The following TROAP variants were observed in gnomAD, a reference collection of about 807,000 sequenced individuals.
TROAP encodes the protein tastin.
In TROAP, 62 loss-of-function variants were observed where a neutral mutation model predicts 83.4. The ratio of observed to expected loss-of-function variants is 0.74; its 90% CI spans 0.61 to 0.92. The LOEUF is 0.92. TROAP is among the 40% of genes least tolerant of loss of function. The probability of loss-of-function intolerance (pLI) is 0.00; values close to 1 mark genes in which losing one functional copy is unlikely to be tolerated. For missense variants in TROAP, 876 were observed against 985.1 expected (o/e 0.89, Z 1.48); for synonymous variants, 352 against 386.4 (o/e 0.91, Z 1.04).
Position 49,323,710 on chromosome 12 carries a change from T to G in TROAP, c.102T>G (p.Thr34=). The G allele has an allele frequency of 1.9e-6, 3 of 1,614,072 alleles. No homozygotes were observed. Among genetic ancestry groups the G allele is most frequent in the Non-Finnish European group, 2.5e-6 (3 of 1,180,008 alleles). Residue 34 remains threonine (T), a synonymous_variant, in exon 2 of 15, where the codon ACT becomes ACG. Transcript: ENST00000257909. ...VRSQKRTPFP[T]VTSCAVDQEN... The stretch of plus-strand genomic sequence containing the variant: ...CTCAGAAACGCACGCCTTTCCCCAC[T>G]GTTACATCGTGCGCCGTGGACCAGG...
chr12:49,330,051 G>A, intron 12 of TROAP, 60 bp downstream of exon 12: 2 of 1,608,302 alleles, frequency 1.2e-6, no homozygotes, highest in East Asian at 2.2e-5. Context: ...CTGAGGAAGA[G>A]GGAAAAGAGA....
rs1345046397 is a variant in TROAP, at chr12:49,324,038, G to T, written c.337+1G>T. The T allele has an allele frequency of 1.2e-6, 2 of 1,612,720 alleles. No individual in the cohort carries two copies. Among genetic ancestry groups the T allele is most frequent in the East Asian group, 4.5e-5 (2 of 44,860 alleles). Reference sequence around the variant, plus strand: ...GGGCCTGGGCCCCCTGCCCAGACAGGTACCTGTTGGAGCCATGGTAACACG... The same window carrying T: ...GGGCCTGGGCCCCCTGCCCAGACAGTTACCTGTTGGAGCCATGGTAACACG... On this transcript the variant is annotated splice_donor_variant, in intron 3 of 14. Coordinates refer to ENST00000257909, the MANE Select transcript of TROAP (RefSeq NM_005480.4). LOFTEE classifies it high-confidence loss of function.
In TROAP at chr12:49,325,815, C is replaced by G; in HGVS notation, c.564C>G (p.Ser188=). The G allele has an allele frequency of 1.2e-6, 2 of 1,614,132 alleles. No homozygotes were observed. The highest frequency in any genetic ancestry group is 1.7e-6 in the Non-Finnish European group (2 of 1,180,010). Reference sequence around the variant, plus strand: ...ACCGACTGGACCCTGCCAGGGCTTCCTGCTTCTCTAGGCTGGAGGGACCAG... The same window carrying G: ...ACCGACTGGACCCTGCCAGGGCTTCGTGCTTCTCTAGGCTGGAGGGACCAG... ...PTHRLDPARA[S]CFSRLEGPGP... The change falls in exon 5 of 15, where the codon TCC becomes TCG. Residue 188 remains serine, a synonymous_variant. Coordinates refer to ENST00000257909, the MANE Select transcript of TROAP (RefSeq NM_005480.4).
intron 13 of TROAP, 90 bp from the exon 14 acceptor site, chr12:49,331,124 G>C: frequency 6.3e-7 from 1 of 1,576,908 alleles, no homozygotes; most frequent in Non-Finnish European, 8.6e-7. Flanking sequence ...CTCCTAATTG[G>C]CTTGGCCGTT....
chr12:49,330,766 C>A lies in TROAP; in HGVS notation c.1921C>A (p.Leu641Met). 1 of 1,614,074 alleles carries A rather than the reference C, an allele frequency of 6.2e-7. No homozygotes were observed. Among genetic ancestry groups the A allele is most frequent in the South Asian group, 1.1e-5 (1 of 91,082 alleles). The part of the protein sequence containing the change: ...GPPGPCPRVE[L>M]GASEPCTLEH... ...CCCAGGGCCCTGCCCTAGGGTAGAG[C>A]TGGGGGCATCAGAGCCCTGCACCCT... The change falls in exon 13 of 15, where the codon CTG becomes ATG. Residue 641 changes from leucine (L) to methionine (M), a missense_variant. Coordinates refer to ENST00000257909, the MANE Select transcript of TROAP (RefSeq NM_005480.4).
chr12:49,326,645 G>A (rs989214172), intron 6 of TROAP, 23 bp from the exon 7 acceptor site: 5 of 1,551,962 alleles, frequency 3.2e-6, no homozygotes, highest in African/African-American at 1.4e-5. Context: ...GTGACTGCTG[G>A]CTAATGTCCT....
chr12:49,324,091 A>G (rs572505893), intron 3 of TROAP, 54 bp downstream of exon 3: 8 of 1,613,160 alleles, frequency 5.0e-6, no homozygotes, highest in Admixed American at 1.7e-5. Context: ...GGGGACTAGG[A>G]AGGGTAAAAG....
chr12:49,325,422 G>T, intron 3 of TROAP, 79 bp from the exon 4 acceptor site: 2 of 1,367,168 alleles, frequency 1.5e-6, no homozygotes, highest in Non-Finnish European at 2.0e-6. Context: ...TGCTCACCTT[G>T]TACCTCAAAG....
Position 49,329,416 on chromosome 12 carries a change from T to G in TROAP, c.1126T>G (p.Ser376Ala). The change falls in exon 11 of 15, where the codon TCC (serine) becomes GCC (alanine). Residue 376 changes from serine (S) to alanine (A), a missense_variant. Physicochemically the swap from Ser to Ala is moderately conservative, Grantham distance 99. Transcript: ENST00000257909. This position sits in a 1 kb window ranked among gnomAD's most constrained non-coding sequence, Gnocchi z 4.5. Reference protein sequence around the residue: ...VQQAQWLRGVSPQSCSEDPAL... With the variant: ...VQQAQWLRGVAPQSCSEDPAL... The stretch of plus-strand genomic sequence containing the variant: ...CCAGGCCCAGTGGCTGCGTGGTGTC[T>G]CCCCTCAGTCCTGCTCTGAAGATCC... 6.2e-7 allele frequency: 1 copy of G among 1,612,286 alleles called. No homozygotes were observed. The highest frequency in any genetic ancestry group is 8.5e-7 in the Non-Finnish European group (1 of 1,178,926).
At chr12:49,327,096 A>G in intron 7 of TROAP, 113 bp from the exon 8 acceptor site, 4 of 1,348,362 alleles carry the variant, frequency 3.0e-6, no homozygotes, top group Non-Finnish European at 4.1e-6. Context: ...CCTGTCCCTA[A>G]TAGTGCAATG....
At position 49,323,927 on chromosome 12, in the gene TROAP, C is replaced by CAAA. The variant is rs1361474747; in HGVS notation, c.228_229insAAA (p.Ala76_Glu77insLys). ...CCCAGGCCGAAAGCCAGGCACCAGGCAGAGACATCACAAAGATTGGTGGGG... is the reference window on the plus strand; with the variant it reads ...CCCAGGCCGAAAGCCAGGCACCAGGCAAAAGAGACATCACAAAGATTGGTGGGG... On this transcript the variant is annotated inframe_insertion, in exon 3 of 15. Coordinates refer to ENST00000257909, the MANE Select transcript of TROAP (RefSeq NM_005480.4). 1 of 1,614,140 alleles carries CAAA rather than the reference C, an allele frequency of 6.2e-7. No homozygotes were observed. The highest frequency in any genetic ancestry group is 2.2e-5 in the East Asian group (1 of 44,884).
intron 6 of TROAP, 55 bp downstream of exon 6, chr12:49,326,213 C>CT (rs1316691173): frequency 3.6e-5 from 57 of 1,569,662 alleles, no homozygotes; most frequent in Non-Finnish European, 4.5e-5. Context: ...GAACCAGTGT[C>CT]TGATACAGGA....
chr12:49,330,423 C>CT lies in TROAP; in HGVS notation c.1579dup (p.Cys527LeufsTer2). The CT allele has an allele frequency of 6.2e-7, 1 of 1,614,168 alleles. No homozygotes were observed. The highest frequency in any genetic ancestry group is 8.5e-7 in the Non-Finnish European group (1 of 1,180,002). ...CAGAGCCTGGGCCCCCAGAGGCCTT[C>CT]TGTAGGAGTGAGCCTGAGATACCAG... On this transcript the variant is annotated frameshift_variant, in exon 13 of 15. Transcript: ENST00000257909. LOFTEE classifies it high-confidence loss of function.
At chr12:49,331,486 C>A in intron 14 of TROAP, 79 bp downstream of exon 14, 1 of 1,611,468 alleles carries the variant, frequency 6.2e-7, no homozygotes, top group South Asian at 1.1e-5. Flanking sequence ...AGGGGGCCAC[C>A]TGGGCTTCTT....
At chr12:49,331,109 C>A in intron 13 of TROAP, 105 bp from the exon 14 acceptor site, 1 of 1,554,250 alleles carries the variant, frequency 6.4e-7, no homozygotes, top group Non-Finnish European at 8.8e-7. Context: ...ACTTCCAGCC[C>A]TGTGCTCCTA....
At position 49,330,301 on chromosome 12, in the gene TROAP, T is replaced by C; in HGVS notation, c.1456T>C (p.Ser486Pro). The stretch of plus-strand genomic sequence containing the variant: ...AACTCTGAATGCCACAGAGCATAAC[T>C]CTGGGACTTCCCACCTTCCTGGACT... ...SRTLNATEHN[S>P]GTSHLPGLLK... Residue 486 changes from serine to proline, a missense_variant, in exon 13 of 15, where the codon TCT (serine) becomes CCT (proline). Transcript: ENST00000257909. 1 of 1,612,006 alleles carries C rather than the reference T, an allele frequency of 6.2e-7. No homozygotes were observed. The highest frequency in any genetic ancestry group is 1.4e-5 in the African/African-American group (1 of 73,110).
intron 1 of TROAP, 43 bp downstream of exon 1, chr12:49,323,392 C>T (rs1943430528): frequency 1.7e-6 from 1 of 605,470 alleles, no homozygotes; most frequent in Non-Finnish European, 2.9e-6. Flanking sequence ...CTGCTGGGTT[C>T]ATAGGGAGGA....
intron 7 of TROAP, 133 bp downstream of exon 7, chr12:49,326,853 G>A (rs554665825): frequency 1.0e-6 from 1 of 985,980 alleles, no homozygotes; most frequent in East Asian, 2.7e-5. Context: ...GTCAGAAGGA[G>A]AAGGAGAAGA....
At chr12:49,323,796 T>C in intron 2 of TROAP, 44 bp downstream of exon 2, 1 of 1,613,982 alleles carries the variant, frequency 6.2e-7, no homozygotes, top group Non-Finnish European at 8.5e-7. Flanking sequence ...ACACCAGTAA[T>C]GCACCCCAAC....
Sources: allele counts gnomAD v4.1 joint callset, GRCh38; gene constraint gnomAD v4.1.1; non-coding constraint Gnocchi (gnomAD v3.1); transcripts MANE v1.5; gene names NCBI Gene and HGNC (gene_info 2026-07-23, HGNC 2026-07-21).